EPS15L1: variants seen among roughly 807,000 people sequenced by gnomAD.
The protein encoded by EPS15L1 is epidermal growth factor receptor substrate 15-like 1.
EPS15L1 carries 43 observed loss-of-function variants against 117.1 expected under a neutral mutation model. The observed-to-expected ratio is 0.37, with a 90% confidence interval of 0.29 to 0.47. EPS15L1 has a LOEUF of 0.47. Ranked by LOEUF, EPS15L1 falls within the 20% of genes least tolerant of loss-of-function variation. The probability of loss-of-function intolerance (pLI) is 0.99; values close to 1 mark genes in which losing one functional copy is unlikely to be tolerated. For missense variants in EPS15L1, 981 were observed against 1,164.0 expected (o/e 0.84, Z 2.29); for synonymous variants, 459 against 470.5 (o/e 0.98, Z 0.32).
At chr19:16,465,449 G>C (rs1376339729) in intron 1 of EPS15L1, among the ~76,000 whole-genome samples, 1 of 152,132 alleles carries the variant, frequency 6.6e-6, no homozygotes, top group African/African-American at 2.4e-5. Flanking sequence ...TTTGGAGGCA[G>C]AGGCAGGAGG....
intron 4 of EPS15L1, 112 bp from the exon 5 acceptor site, chr19:16,437,977 G>A: frequency 1.3e-6 from 1 of 784,046 alleles, no homozygotes; most frequent in South Asian, 1.7e-5. Flanking sequence ...CAACAATGAA[G>A]GCCGTCCGTG....
At chr19:16,401,128 G>A (rs2092596445) in intron 16 of EPS15L1, 1 of 985,312 alleles carries the variant, frequency 1.0e-6, no homozygotes, top group Non-Finnish European at 1.2e-6. Context: ...ACGGGCCCGG[G>A]GGCGGCTATG....
chr19:16,430,251 A>G (rs73511137), intron 7 of EPS15L1, among the ~76,000 whole-genome samples: 20,809 of 152,146 alleles, frequency 0.14, 1,499 homozygotes, highest in Non-Finnish European at 0.15. Flanking sequence ...CACTGCCCTC[A>G]CTGGGCCAAA....
chr19:16,445,747 A>G (rs1175317758), intron 1 of EPS15L1, among the ~76,000 whole-genome samples: 1 of 152,184 alleles, frequency 6.6e-6, no homozygotes, highest in African/African-American at 2.4e-5. Flanking sequence ...GTCTGACCCC[A>G]AAGTGAGCCT....
At chr19:16,456,906 G>C (rs1210875481) in intron 1 of EPS15L1, among the ~76,000 whole-genome samples, 1 of 152,110 alleles carries the variant, frequency 6.6e-6, no homozygotes, top group Non-Finnish European at 1.5e-5. Flanking sequence ...GCCAGGGTCT[G>C]TGCACGCTGT....
intron 1 of EPS15L1, among the ~76,000 whole-genome samples, chr19:16,454,949 G>A (rs911290671): frequency 6.6e-6 from 1 of 151,986 alleles, no homozygotes; most frequent in Non-Finnish European, 1.5e-5. Context: ...GGCCAACATG[G>A]TAAAAGCCTG....
At position 16,381,401 on chromosome 19, in the gene EPS15L1, G is replaced by A. The variant is rs116696550; in HGVS notation, c.2247+3728C>T. 1.9e-3 allele frequency among the ~76,000 whole-genome samples: 290 copies of A among 152,290 alleles called. 3 individuals are homozygous for A. The highest frequency in any genetic ancestry group is 6.5e-3 in the African/African-American group (269 of 41,562). ...ACCCCAGTGGTGGGTCCAGGGCCTCGTCCTGGGCAGACTGTCCTGCCCAGG... is the reference window on the plus strand; with the variant it reads ...ACCCCAGTGGTGGGTCCAGGGCCTCATCCTGGGCAGACTGTCCTGCCCAGG... On this transcript the variant is annotated intron_variant, in intron 21 of 23. Coordinates refer to ENST00000455140, the MANE Select transcript of EPS15L1 (RefSeq NM_001258374.3). This position sits in a 1 kb window ranked among gnomAD's most constrained non-coding sequence, Gnocchi z 4.2.
intron 1 of EPS15L1, among the ~76,000 whole-genome samples, chr19:16,464,907 G>A (rs772489776): frequency 5.1e-4 from 78 of 152,078 alleles, no homozygotes; most frequent in Admixed American, 4.7e-3. Flanking sequence ...GTGAAACCCC[G>A]TCTCTACTAA....
At chr19:16,461,882 C>G (rs1431396552) in intron 1 of EPS15L1, among the ~76,000 whole-genome samples, 1 of 152,200 alleles carries the variant, frequency 6.6e-6, no homozygotes, top group Non-Finnish European at 1.5e-5. Context: ...GTCAACTACC[C>G]TCAAAGACAG....
At chr19:16,428,532 A>G (rs4808508) in intron 8 of EPS15L1, among the ~76,000 whole-genome samples, 170 bp downstream of exon 8, 116 of 4,166 alleles carry the variant, frequency 0.028, 3 homozygotes, top group South Asian at 0.2. Flanking sequence ...TGAAAGAAAG[A>G]AAGGAAGAAA....
chr19:16,400,367 A>C (rs1429589929), intron 16 of EPS15L1, among the ~76,000 whole-genome samples: 5 of 151,844 alleles, frequency 3.3e-5, no homozygotes, highest in Non-Finnish European at 7.4e-5. Context: ...AAAAAAAAAA[A>C]AAAACCCCTG....
chr19:16,364,963 GC>G, intron 22 of EPS15L1, among the ~76,000 whole-genome samples: 1 of 152,340 alleles, frequency 6.6e-6, no homozygotes. Flanking sequence ...GGCTTCTCCC[GC>G]TTGGGGATGA....
chr19:16,443,918 G>C (rs186876624), intron 1 of EPS15L1, among the ~76,000 whole-genome samples: 85 of 151,676 alleles, frequency 5.6e-4, no homozygotes, highest in Non-Finnish European at 1.1e-3. Context: ...CAGAAAATTA[G>C]TCAGGTGTGG....
At chr19:16,426,405 G>T (rs191865438) in intron 8 of EPS15L1, among the ~76,000 whole-genome samples, 13 of 152,254 alleles carry the variant, frequency 8.5e-5, no homozygotes. Flanking sequence ...AGGCCGAGAC[G>T]GGCAGATCAC....
chr19:16,458,087 G>T (rs1008903179), intron 1 of EPS15L1, among the ~76,000 whole-genome samples: 7 of 152,140 alleles, frequency 4.6e-5, no homozygotes, highest in Non-Finnish European at 1.0e-4. Flanking sequence ...CCCAGGACTC[G>T]GTTGGGATGG....
chr19:16,386,778 G>A (rs1456029064), intron 19 of EPS15L1, among the ~76,000 whole-genome samples: 1 of 152,228 alleles, frequency 6.6e-6, no homozygotes, highest in Non-Finnish European at 1.5e-5. Flanking sequence ...GGGACTCGAG[G>A]CAGCCTGTAG....
At chr19:16,374,089 G>T (rs1023378486) in intron 22 of EPS15L1, among the ~76,000 whole-genome samples, 1 of 152,220 alleles carries the variant, frequency 6.6e-6, no homozygotes, top group Admixed American at 6.5e-5. Context: ...CTTGGTTCTC[G>T]TTACTCCTGT....
intron 13 of EPS15L1, among the ~76,000 whole-genome samples, chr19:16,409,820 C>T (rs548278380): frequency 6.6e-6 from 1 of 151,822 alleles, no homozygotes; most frequent in South Asian, 2.1e-4. Flanking sequence ...CACCTATAAT[C>T]CCAGCTACTT....
intron 19 of EPS15L1, among the ~76,000 whole-genome samples, chr19:16,392,045 G>A (rs2092481661): frequency 6.6e-6 from 1 of 152,174 alleles, no homozygotes; most frequent in South Asian, 2.1e-4. Flanking sequence ...CATCCTCCTT[G>A]CCCTGATGTG....
Sources: allele counts gnomAD v4.1 joint callset (sites outside exome capture counted in the v4.1 genomes callset), GRCh38; gene constraint gnomAD v4.1.1; non-coding constraint Gnocchi (gnomAD v3.1); transcripts MANE v1.5; gene names NCBI Gene and HGNC (gene_info 2026-07-23, HGNC 2026-07-21).